The following NAA30 variants were observed in gnomAD, a reference collection of about 807,000 sequenced individuals.
The protein encoded by NAA30 is N-alpha-acetyltransferase 30.
In NAA30, 5 loss-of-function variants were observed where a neutral mutation model predicts 31.4. That is an observed-to-expected ratio of 0.16 (90% confidence interval 0.08 to 0.33). NAA30 has a LOEUF of 0.33. Among genes scored for constraint, NAA30 ranks in the 10% least tolerant of loss-of-function variants. The pLI is 1.00. For synonymous variants in NAA30, 222 were observed against 207.1 expected (o/e 1.07, Z -0.62); for missense variants, 428 against 490.8 (o/e 0.87, Z 1.21).
In NAA30 at chr14:57,402,908, C is replaced by CTG. The variant is rs1353433990; in HGVS notation, c.951+3028_951+3029dup. On this transcript the variant is annotated intron_variant, in intron 4 of 4. Coordinates refer to ENST00000556492, the MANE Select transcript of NAA30 (RefSeq NM_001011713.3). Reference sequence around the variant, plus strand: ...TAATAGAGGTACATTTGGCCAGGCACTGTGGCTCACGCCTGTAATCCCAGC... The same window carrying CTG: ...TAATAGAGGTACATTTGGCCAGGCACTGTGTGGCTCACGCCTGTAATCCCAGC... Among the ~76,000 whole-genome samples the CTG allele has an allele frequency of 9.8e-5, 15 of 152,322 alleles. No homozygotes were observed. In the East Asian group the frequency reaches 1.5e-3, roughly 16 times the overall value.
At chr14:57,408,426 G>A (rs1378083714) in intron 4 of NAA30, among the ~76,000 whole-genome samples, 2 of 152,174 alleles carry the variant, frequency 1.3e-5, no homozygotes, top group Admixed American at 6.5e-5. Flanking sequence ...AGGGCCACTG[G>A]CTCAGTAATA....
intron 2 of NAA30, among the ~76,000 whole-genome samples, chr14:57,395,230 T>C (rs769570402): frequency 7.9e-5 from 12 of 152,176 alleles, no homozygotes; most frequent in Non-Finnish European, 1.6e-4. Context: ...GAATTTCATA[T>C]TCCTTCAAAA....
At position 57,411,638 on chromosome 14, in the gene NAA30, T is replaced by G. The variant is rs2066522815; in HGVS notation, c.*2122T>G. 1 of 152,166 alleles carries G rather than the reference T, an allele frequency of 6.6e-6. No homozygotes were observed. The highest frequency in any genetic ancestry group is 6.5e-5 in the Admixed American group (1 of 15,284). 9.4% of individuals were successfully genotyped at this position (152,166 alleles called of 1,614,324 possible). A position where few individuals can be genotyped will look rare whatever the true frequency, so the allele number is the denominator to read the frequency against. ...CAAATTGACTGAACTGGTTGGGTGT[T>G]TGTAAAGATGACGTTAACTGTGTGA... On this transcript the variant is annotated 3_prime_UTR_variant, in exon 5 of 5. Coordinates refer to ENST00000556492, the MANE Select transcript of NAA30 (RefSeq NM_001011713.3).
Position 57,399,818 on chromosome 14 carries a change from T to C in NAA30, c.896-10T>C. 1 of 1,401,388 alleles carries C rather than the reference T, an allele frequency of 7.1e-7. No homozygotes were observed. The highest frequency in any genetic ancestry group is 1.0e-6 in the Non-Finnish European group (1 of 992,940). The allele number at this position is 1,401,388 out of a possible 1,614,324, so 86.8% of individuals were successfully genotyped here. ...TTTTTCCTTCATTAATACTCAGATC[T>C]ATATTCTAGGTACTAACTTGGTTAA... On this transcript the variant is annotated splice_polypyrimidine_tract_variant and intron_variant, in intron 3 of 4. Transcript: ENST00000556492.
At chr14:57,409,294 A>G (rs988009238) in intron 4 of NAA30, 85 bp from the exon 5 acceptor site, 1 of 1,074,988 alleles carries the variant, frequency 9.3e-7, no homozygotes, top group Admixed American at 3.0e-5. Flanking sequence ...AAAATAATGT[A>G]TGATTTTTTA....
In NAA30 at chr14:57,410,448, G is replaced by C. The variant is rs192698650; in HGVS notation, c.*932G>C. The C allele has an allele frequency of 6.5e-6, 1 of 152,678 alleles. No individual in the cohort carries two copies. Among genetic ancestry groups the C allele is most frequent in the African/African-American group, 2.4e-5 (1 of 41,558 alleles). 9.5% of individuals were successfully genotyped at this position (152,678 alleles called of 1,614,324 possible). A position where few individuals can be genotyped will look rare whatever the true frequency, so the allele number is the denominator to read the frequency against. ...ATAGAAAATTAGTGTAAGTTGATAT[G>C]ATTTTATTTAATCAAAATTACTGCT... On this transcript the variant is annotated 3_prime_UTR_variant, in exon 5 of 5. Transcript: ENST00000556492.
intron 4 of NAA30, among the ~76,000 whole-genome samples, chr14:57,402,669 G>A (rs1257920274): frequency 6.6e-6 from 1 of 152,222 alleles, no homozygotes; most frequent in African/African-American, 2.4e-5. Flanking sequence ...AAAATACAGC[G>A]ATTAATGAAA....
chr14:57,415,737 A>G lies in NAA30; in HGVS notation c.*6221A>G, dbSNP rs2139771026. ...TTAGGCCAGGATTTCTCATGATTGT[A>G]TATGGTTATTGATCATTTTTAAGGG... On this transcript the variant is annotated 3_prime_UTR_variant, in exon 5 of 5. Transcript: ENST00000556492. 6.6e-6 allele frequency: 1 copy of G among 152,232 alleles called. No homozygotes were observed. Among genetic ancestry groups the G allele is most frequent in the Middle Eastern group, 3.4e-3 (1 of 298 alleles). The allele number at this position is 152,232 out of a possible 1,614,324, so 9.4% of individuals were successfully genotyped here.
In NAA30 at chr14:57,391,491, G is replaced by C. The variant is rs1412007326; in HGVS notation, c.534G>C (p.Glu178Asp). Reference protein sequence around the residue: ...GLAEGTEQEEEEEDEQVRLLS... With the variant: ...GLAEGTEQEEDEEDEQVRLLS... Reference sequence around the variant, plus strand: ...CCGAGGGCACCGAGCAGGAGGAGGAGGAGGAAGACGAGCAGGTGCGGCTGC... The same window carrying C: ...CCGAGGGCACCGAGCAGGAGGAGGACGAGGAAGACGAGCAGGTGCGGCTGC... The change falls in exon 2 of 5, where the codon GAG becomes GAC. Residue 178 changes from glutamate to aspartate, a missense_variant. By Grantham distance (45) the Glu-to-Asp change is conservative. Coordinates refer to ENST00000556492, the MANE Select transcript of NAA30 (RefSeq NM_001011713.3). The surrounding 1 kb of genome is among the most constrained non-coding windows in gnomAD (Gnocchi z 4.1). 1 of 1,613,276 alleles carries C rather than the reference G, an allele frequency of 6.2e-7. No individual in the cohort carries two copies. The highest frequency in any genetic ancestry group is 1.1e-5 in the South Asian group (1 of 91,066).
chr14:57,396,733 CTGTT>C lies in NAA30; in HGVS notation c.772-13_772-10del, dbSNP rs1246166052. On this transcript the variant is annotated splice_polypyrimidine_tract_variant and intron_variant, in intron 2 of 4. Coordinates refer to ENST00000556492, the MANE Select transcript of NAA30 (RefSeq NM_001011713.3). ...CCTGATGGCAATGTATTCTTCATAA[CTGTT>C]TGTTTATTTTTAAGGCCATGGTAGG... 6.2e-7 allele frequency: 1 copy of C among 1,613,336 alleles called. No homozygotes were observed.
intron 4 of NAA30, among the ~76,000 whole-genome samples, chr14:57,406,817 C>A (rs980437815): frequency 6.6e-5 from 10 of 152,042 alleles, no homozygotes; most frequent in African/African-American, 2.2e-4. Flanking sequence ...TTGTATTGAC[C>A]AGACTGTGGT....
Position 57,399,829 on chromosome 14 carries a change from T to C in NAA30, c.897T>C (p.Gly299=). Residue 299 remains glycine, a splice_region_variant and synonymous_variant, in exon 4 of 5, where the codon GGT becomes GGC. Transcript: ENST00000556492. The part of the protein sequence containing the change: ...VDSKYRRNGI[G]TNLVKKAIYA... ...TTAATACTCAGATCTATATTCTAGGTACTAACTTGGTTAAGAAAGCTATAT... is the reference window on the plus strand; with the variant it reads ...TTAATACTCAGATCTATATTCTAGGCACTAACTTGGTTAAGAAAGCTATAT... 1 of 1,485,352 alleles carries C rather than the reference T, an allele frequency of 6.7e-7. No individual in the cohort carries two copies. Among genetic ancestry groups the C allele is most frequent in the Non-Finnish European group, 9.4e-7 (1 of 1,067,082 alleles). The allele number at this position is 1,485,352 out of a possible 1,614,324, so 92.0% of individuals were successfully genotyped here. A position where few individuals can be genotyped will look rare whatever the true frequency, so the allele number is the denominator to read the frequency against.
intron 3 of NAA30, among the ~76,000 whole-genome samples, chr14:57,399,018 C>G (rs541120504): frequency 9.3e-5 from 14 of 151,054 alleles, no homozygotes; most frequent in African/African-American, 2.4e-5. Context: ...TGAGCCACCA[C>G]GCCTGGCCAA....
Position 57,410,443 on chromosome 14 carries a change from G to A in NAA30, c.*927G>A, listed in dbSNP as rs2066518060. The A allele has an allele frequency of 6.6e-6, 1 of 152,546 alleles. No individual in the cohort carries two copies. The highest frequency in any genetic ancestry group is 2.4e-5 in the African/African-American group (1 of 41,430). 9.4% of individuals were successfully genotyped at this position (152,546 alleles called of 1,614,324 possible). ...AAAGAATAGAAAATTAGTGTAAGTT[G>A]ATATGATTTTATTTAATCAAAATTA... On this transcript the variant is annotated 3_prime_UTR_variant, in exon 5 of 5. Transcript: ENST00000556492.
chr14:57,406,670 A>T (rs1233658733), intron 4 of NAA30, among the ~76,000 whole-genome samples: 2 of 152,222 alleles, frequency 1.3e-5, no homozygotes, highest in South Asian at 4.1e-4. Flanking sequence ...CGTGAAATCA[A>T]TTCCAAGTTT....
chr14:57,406,831 A>G (rs960500717), intron 4 of NAA30, among the ~76,000 whole-genome samples: 2 of 152,162 alleles, frequency 1.3e-5, no homozygotes, highest in African/African-American at 4.8e-5. Context: ...CTGTGGTGTT[A>G]CAGACTCTAG....
At chr14:57,407,911 T>A (rs1042312541) in intron 4 of NAA30, among the ~76,000 whole-genome samples, 2 of 152,076 alleles carry the variant, frequency 1.3e-5, no homozygotes, top group African/African-American at 4.8e-5. Context: ...GAGGGAGAAT[T>A]GACAATAATC....
intron 4 of NAA30, among the ~76,000 whole-genome samples, chr14:57,400,574 A>G (rs1274987202): frequency 1.3e-5 from 2 of 151,290 alleles, no homozygotes. Flanking sequence ...GCAAAGTTGT[A>G]CTAGTACTTT....
rs1356622919 is a variant in NAA30, at chr14:57,413,873, T to A, written c.*4357T>A. 6.6e-6 allele frequency: 1 copy of A among 152,230 alleles called. No individual in the cohort carries two copies. Among genetic ancestry groups the A allele is most frequent in the African/African-American group, 2.4e-5 (1 of 41,452 alleles). 9.4% of individuals were successfully genotyped at this position (152,230 alleles called of 1,614,324 possible). A position where few individuals can be genotyped will look rare whatever the true frequency, so the allele number is the denominator to read the frequency against. ...GCATATAGCACTGCTACACTTTAGA[T>A]CACTACTGTCCAGTCACACTTTATA... is the stretch of plus-strand genomic sequence containing the variant. On this transcript the variant is annotated 3_prime_UTR_variant, in exon 5 of 5. Coordinates refer to ENST00000556492, the MANE Select transcript of NAA30 (RefSeq NM_001011713.3).
Sources: gnomAD v4.1 joint callset for allele counts (sites outside exome capture counted in the v4.1 genomes callset) on GRCh38, gnomAD v4.1.1 for gene constraint, Gnocchi (gnomAD v3.1) non-coding constraint, MANE v1.5 for transcripts, NCBI Gene and HGNC (gene_info 2026-07-23, HGNC 2026-07-21) for gene names.